The following FKBP5 variants were observed in gnomAD, a reference collection of about 807,000 sequenced individuals.
FKBP5 encodes the protein peptidyl-prolyl cis-trans isomerase FKBP5.
In FKBP5, 23 loss-of-function variants were observed where a neutral mutation model predicts 50.5. That is an observed-to-expected ratio of 0.46 (90% CI 0.33 to 0.65). The LOEUF (loss-of-function observed/expected upper bound fraction) is 0.65. Among genes scored for constraint, FKBP5 ranks in the 30% least tolerant of loss-of-function variants. FKBP5 has a pLI of 0.02. For missense variants in FKBP5, 411 were observed against 553.1 expected (o/e 0.74, Z 2.58); for synonymous variants, 176 against 190.6 (o/e 0.92, Z 0.63).
intron 1 of FKBP5, among the ~76,000 whole-genome samples, chr6:35,668,618 G>T (rs1427129018): frequency 1.3e-5 from 2 of 150,688 alleles, no homozygotes; most frequent in African/African-American, 2.4e-5. Flanking sequence ...CTCTTTTGTT[G>T]TTTTTTTTCT....
chr6:35,696,183 G>A (rs999325094), intron 2 of FKBP5, among the ~76,000 whole-genome samples: 2 of 148,310 alleles, frequency 1.3e-5, no homozygotes, highest in Non-Finnish European at 3.0e-5. Flanking sequence ...TTAGTGGAAT[G>A]TATGCAGAGG....
intron 5 of FKBP5, among the ~76,000 whole-genome samples, chr6:35,613,055 T>C (rs1763538216): frequency 6.6e-6 from 1 of 152,204 alleles, no homozygotes. Context: ...ACTTACAAAG[T>C]CTATCTGTCC....
chr6:35,668,650 C>T (rs138047692), intron 1 of FKBP5, among the ~76,000 whole-genome samples: 1 of 151,412 alleles, frequency 6.6e-6, no homozygotes, highest in East Asian at 1.9e-4. Context: ...TATTATTATA[C>T]TTTAAGTTTT....
intron 8 of FKBP5, chr6:35,585,351 T>C: frequency 1.0e-6 from 1 of 977,508 alleles, no homozygotes; most frequent in Non-Finnish European, 1.2e-6. Context: ...TTGAATAGTT[T>C]AGAAGTATCC....
At chr6:35,639,491 C>T (rs1364336183) in intron 2 of FKBP5, among the ~76,000 whole-genome samples, 1 of 152,132 alleles carries the variant, frequency 6.6e-6, no homozygotes, top group African/African-American at 2.4e-5. Context: ...AGTTGGGGAT[C>T]ATGTTCTCTG....
chr6:35,721,265 T>C (rs1157796007), intron 1 of FKBP5, among the ~76,000 whole-genome samples: 1 of 151,682 alleles, frequency 6.6e-6, no homozygotes, highest in Non-Finnish European at 1.5e-5. Flanking sequence ...GGCAGGAAAA[T>C]TGCTTGAACT....
chr6:35,593,818 G>A lies in FKBP5; in HGVS notation c.666-2598C>T, dbSNP rs898529146. Among the ~76,000 whole-genome samples, 139 of 151,948 alleles carry A rather than the reference G, an allele frequency of 9.1e-4. 1 individual carries two copies. The highest frequency in any genetic ancestry group is 1.0e-3 in the Non-Finnish European group (69 of 67,986). ...GATCCTCCCGCCTCGGCCTCCCAAA[G>A]TGCTGGGATTACAGGTGTGAGCCAC... On this transcript the variant is annotated intron_variant, in intron 6 of 10. Transcript: ENST00000357266.
chr6:35,578,055 C>CAA (rs143946034), intron 9 of FKBP5, among the ~76,000 whole-genome samples: 19 of 104,304 alleles, frequency 1.8e-4, no homozygotes, highest in African/African-American at 4.1e-4. Context: ...CTCTTGTCTC[C>CAA]AAAAAAAAAA....
chr6:35,675,975 T>C (rs1036226772), intron 1 of FKBP5, among the ~76,000 whole-genome samples: 27 of 152,132 alleles, frequency 1.8e-4, no homozygotes, highest in African/African-American at 6.3e-4. Context: ...CTAACAACTA[T>C]TGGGACATCT....
chr6:35,700,114 AG>A (rs1766153358), intron 2 of FKBP5, among the ~76,000 whole-genome samples: 1 of 152,202 alleles, frequency 6.6e-6, no homozygotes. Flanking sequence ...GCTGGATTTC[AG>A]AATTGCTACG....
intron 1 of FKBP5, among the ~76,000 whole-genome samples, chr6:35,649,249 TAAAAAA>T (rs71002582): frequency 9.8e-6 from 1 of 102,232 alleles, no homozygotes; most frequent in African/African-American, 4.0e-5. Flanking sequence ...AGACTCTGTC[TAAAAAA>T]AAAAAAAAAA....
intron 5 of FKBP5, among the ~76,000 whole-genome samples, chr6:35,606,911 AC>A (rs1763338915): frequency 1.3e-5 from 2 of 152,176 alleles, no homozygotes; most frequent in Non-Finnish European, 2.9e-5. Context: ...GCTGGCATTT[AC>A]ACTGACATGT....
chr6:35,679,760 A>G (rs1439627776), intron 1 of FKBP5, among the ~76,000 whole-genome samples: 1 of 152,180 alleles, frequency 6.6e-6, no homozygotes, highest in African/African-American at 2.4e-5. Flanking sequence ...AATGGATTCT[A>G]GAGACTCAGA....
chr6:35,674,957 T>C (rs1410249500), intron 1 of FKBP5, among the ~76,000 whole-genome samples: 1 of 152,238 alleles, frequency 6.6e-6, no homozygotes, highest in Admixed American at 6.5e-5. Context: ...TCATGTCCTG[T>C]TCATTTTGTT....
chr6:35,670,077 T>C (rs1765341972), intron 1 of FKBP5, among the ~76,000 whole-genome samples: 1 of 152,194 alleles, frequency 6.6e-6, no homozygotes, highest in South Asian at 2.1e-4. Context: ...CAAATCCTTT[T>C]CAATGAATAG....
At chr6:35,578,917 A>G (rs1762322871) in intron 9 of FKBP5, among the ~76,000 whole-genome samples, 1 of 152,172 alleles carries the variant, frequency 6.6e-6, no homozygotes, top group Non-Finnish European at 1.5e-5. Context: ...TCACAACTTT[A>G]ATCCCAGCTC....
intron 1 of FKBP5, among the ~76,000 whole-genome samples, chr6:35,675,159 A>G (rs556703276): frequency 2.4e-4 from 36 of 152,388 alleles, no homozygotes; most frequent in Admixed American, 6.5e-4. Flanking sequence ...CTCGCATGTT[A>G]TAGTTGAGGA....
chr6:35,621,048 T>C (rs754673873), intron 3 of FKBP5, among the ~76,000 whole-genome samples: 2 of 152,202 alleles, frequency 1.3e-5, no homozygotes, highest in Non-Finnish European at 2.9e-5. Context: ...AAAGGGTCCA[T>C]GAAACACATT....
rs1762138678 is a variant in FKBP5, at chr6:35,573,984, T to C, written c.*1851A>G. 6.6e-6 allele frequency: 1 copy of C among 152,236 alleles called. No homozygotes were observed. Among genetic ancestry groups the C allele is most frequent in the Admixed American group, 6.5e-5 (1 of 15,282 alleles). The allele number at this position is 152,236 out of a possible 1,614,324, so 9.4% of individuals were successfully genotyped here. A position where few individuals can be genotyped will look rare whatever the true frequency, so the allele number is the denominator to read the frequency against. ...GCAAAAAGCTAGGTGGCCTTTTTAG[T>C]ATCAAATTTCAATCTTGGCCTCACT... On this transcript the variant is annotated 3_prime_UTR_variant, in exon 11 of 11. Coordinates refer to ENST00000357266, the MANE Select transcript of FKBP5 (RefSeq NM_004117.4).
Sources: allele counts gnomAD v4.1 joint callset (sites outside exome capture counted in the v4.1 genomes callset), GRCh38; gene constraint gnomAD v4.1.1; transcripts MANE v1.5; gene names NCBI Gene and HGNC (gene_info 2026-07-23, HGNC 2026-07-21).